The following RAB22A variants were observed in gnomAD, a reference collection of about 807,000 sequenced individuals.
The protein encoded by RAB22A is ras-related protein Rab-22A.
RAB22A carries 13 observed loss-of-function variants against 30.2 expected under a neutral mutation model. That is an observed-to-expected ratio of 0.43 (90% CI 0.28 to 0.68). The LOEUF (loss-of-function observed/expected upper bound fraction) is 0.68. Ranked by LOEUF, RAB22A falls within the 30% of genes least tolerant of loss-of-function variation. RAB22A has a pLI of 0.18. For missense variants in RAB22A, 177 were observed against 246.8 expected (o/e 0.72, Z 1.89); for synonymous variants, 89 against 87.2 (o/e 1.02, Z -0.11).
intron 3 of RAB22A, among the ~76,000 whole-genome samples, chr20:58,347,418 A>G (rs776694852): frequency 2.0e-5 from 3 of 152,348 alleles, no homozygotes; most frequent in South Asian, 2.1e-4. Flanking sequence ...TTCAGAAGAT[A>G]ATGGTTTGTG....
rs1459720337 is a variant in RAB22A at position 58,362,753 on chromosome 20, A to C, written c.*3050A>C. The C allele has an allele frequency of 6.6e-6, 1 of 152,254 alleles. No homozygotes were observed. The highest frequency in any genetic ancestry group is 1.5e-5 in the Non-Finnish European group (1 of 68,044). 9.4% of individuals were successfully genotyped at this position (152,254 alleles called of 1,614,324 possible). A position where few individuals can be genotyped will look rare whatever the true frequency, so the allele number is the denominator to read the frequency against. On this transcript the variant is annotated 3_prime_UTR_variant, in exon 7 of 7. Transcript: ENST00000244040. ...TTTACACGAAGCAGGTGAAAGATTT[A>C]GTTCTTTTCAAAGTAACTTATTTTC...
At chr20:58,312,174 C>T (rs948046430) in intron 2 of RAB22A, among the ~76,000 whole-genome samples, 13 of 152,012 alleles carry the variant, frequency 8.6e-5, no homozygotes, top group Admixed American at 4.6e-4. Flanking sequence ...ATGCTGGTCT[C>T]GAACTCCTAA....
rs1987245044 is a variant in RAB22A, at chr20:58,362,615, G to A, written c.*2912G>A. On this transcript the variant is annotated 3_prime_UTR_variant, in exon 7 of 7. Transcript: ENST00000244040. ...TGGTCTCCAGAACTCTCACACAAGT[G>A]TTTTTCTGATTCTATGATAACTAAT... The A allele has an allele frequency of 6.6e-6, 1 of 152,170 alleles. No individual in the cohort carries two copies. Among genetic ancestry groups the A allele is most frequent in the Non-Finnish European group, 1.5e-5 (1 of 68,034 alleles). The allele number at this position is 152,170 out of a possible 1,614,324, so 9.4% of individuals were successfully genotyped here.
Position 58,359,586 on chromosome 20 carries a change from CT to C in RAB22A, c.488-16del. ...AGAAAGTTAAAGCTCACTCCCTTCC[CT>C]TTTCTCATCTTGGTTTAGGTCGAAG... On this transcript the variant is annotated intron_variant, in intron 6 of 6. Transcript: ENST00000244040. 1 of 1,565,422 alleles carries C rather than the reference CT, an allele frequency of 6.4e-7. No individual in the cohort carries two copies. Among genetic ancestry groups the C allele is most frequent in the Non-Finnish European group, 8.8e-7 (1 of 1,139,234 alleles).
At chr20:58,326,392 A>G (rs984445576) in intron 2 of RAB22A, among the ~76,000 whole-genome samples, 2 of 152,236 alleles carry the variant, frequency 1.3e-5, no homozygotes, top group Admixed American at 6.5e-5. Flanking sequence ...CATAAATGCA[A>G]TAACACAGTA....
intron 6 of RAB22A, among the ~76,000 whole-genome samples, chr20:58,357,564 C>T (rs919646886): frequency 7.2e-5 from 11 of 152,040 alleles, no homozygotes; most frequent in African/African-American, 2.7e-4. Flanking sequence ...AAATATTCTC[C>T]TCTTATTTCT....
At chr20:58,355,515 T>G (rs1987116121) in intron 6 of RAB22A, among the ~76,000 whole-genome samples, 1 of 152,150 alleles carries the variant, frequency 6.6e-6, no homozygotes, top group South Asian at 2.1e-4. Context: ...CCCGTTCATT[T>G]CAGTGTTAAA....
intron 2 of RAB22A, among the ~76,000 whole-genome samples, chr20:58,321,300 G>C (rs887159238): frequency 6.6e-6 from 1 of 152,074 alleles, no homozygotes; most frequent in African/African-American, 2.4e-5. Flanking sequence ...GGAGGTAGAG[G>C]TTGTAGTGAG....
rs1318649313 is a variant in RAB22A, at chr20:58,362,993, T to G, written c.*3290T>G. On this transcript the variant is annotated 3_prime_UTR_variant, in exon 7 of 7. Coordinates refer to ENST00000244040, the MANE Select transcript of RAB22A (RefSeq NM_020673.3). ...TTTCAGAACTTCTCTTTACGTCTTGTATGTATTTCTTTTCTGTTCTCAAGG... is the reference window on the plus strand; with the variant it reads ...TTTCAGAACTTCTCTTTACGTCTTGGATGTATTTCTTTTCTGTTCTCAAGG... 2.0e-5 allele frequency: 3 copies of G among 152,228 alleles called. No homozygotes were observed. Among genetic ancestry groups the G allele is most frequent in the Non-Finnish European group, 4.4e-5 (3 of 68,044 alleles). 9.4% of individuals were successfully genotyped at this position (152,228 alleles called of 1,614,324 possible). A position where few individuals can be genotyped will look rare whatever the true frequency, so the allele number is the denominator to read the frequency against.
Position 58,348,176 on chromosome 20 carries a change from G to A in RAB22A, c.198+4377G>A, listed in dbSNP as rs546626702. On this transcript the variant is annotated intron_variant, in intron 3 of 6. Coordinates refer to ENST00000244040, the MANE Select transcript of RAB22A (RefSeq NM_020673.3). The stretch of plus-strand genomic sequence containing the variant: ...CGGGAGGTGGAGGTTGCAGTGAGCC[G>A]AGATCGCACCACTGCACTCCAGCCT... 3.4e-4 allele frequency among the ~76,000 whole-genome samples: 52 copies of A among 152,098 alleles called. 2 individuals carry two copies. In the South Asian group the frequency reaches 1.0e-2, roughly 29 times the overall value.
chr20:58,315,782 C>T (rs1217897015), intron 2 of RAB22A, among the ~76,000 whole-genome samples: 1 of 152,144 alleles, frequency 6.6e-6, no homozygotes, highest in Non-Finnish European at 1.5e-5. Flanking sequence ...CATCTGAGCC[C>T]TCATCCTATC....
At chr20:58,337,296 A>G (rs949623533) in intron 2 of RAB22A, among the ~76,000 whole-genome samples, 1 of 151,948 alleles carries the variant, frequency 6.6e-6, no homozygotes, top group Admixed American at 6.6e-5. Flanking sequence ...CCCTTCTTTC[A>G]TCTTCAAGGC....
In RAB22A at chr20:58,336,139, A is replaced by G. The variant is rs1441379701; in HGVS notation, c.117-7579A>G. Among the ~76,000 whole-genome samples the G allele has an allele frequency of 2.6e-5, 4 of 152,002 alleles. No individual in the cohort carries two copies. In the East Asian group the frequency reaches 5.8e-4, roughly 22 times the overall value. The stretch of plus-strand genomic sequence containing the variant: ...ATTCTCCTGCCTCAGCCTCCTGAGT[A>G]GCTGGAATTATAGGCGCCCACCACG... On this transcript the variant is annotated intron_variant, in intron 2 of 6. Transcript: ENST00000244040.
chr20:58,331,785 T>C (rs915412629), intron 2 of RAB22A, among the ~76,000 whole-genome samples: 1 of 152,158 alleles, frequency 6.6e-6, no homozygotes. Context: ...CAGAATTTCT[T>C]GCATAGTCTG....
intron 6 of RAB22A, among the ~76,000 whole-genome samples, chr20:58,355,542 G>A (rs1024973895): frequency 1.4e-4 from 21 of 152,122 alleles, no homozygotes; most frequent in African/African-American, 5.1e-4. Flanking sequence ...TGATGTGCCC[G>A]GGCATGGTGG....
intron 3 of RAB22A, among the ~76,000 whole-genome samples, chr20:58,346,910 A>G (rs1986959268): frequency 6.6e-6 from 1 of 152,136 alleles, no homozygotes; most frequent in African/African-American, 2.4e-5. Context: ...ATTAGACTGT[A>G]AGCTCCTTGA....
chr20:58,310,003 T>C lies in RAB22A; in HGVS notation c.27T>C (p.Cys9=), dbSNP rs1302831368. 7 of 1,285,334 alleles carry C rather than the reference T, an allele frequency of 5.4e-6. No homozygotes were observed. The highest frequency in any genetic ancestry group is 3.0e-5 in the South Asian group (1 of 33,238). 79.6% of individuals were successfully genotyped at this position (1,285,334 alleles called of 1,614,324 possible). A position where few individuals can be genotyped will look rare whatever the true frequency, so the allele number is the denominator to read the frequency against. The part of the protein sequence containing the change: MALRELKV[C]LLGDTGVGKS... Reference sequence around the variant, plus strand: ...TGGCGCTGAGGGAGCTCAAAGTGTGTCTGCTCGGGGTGAGTGGCGGCGGGT... The same window carrying C: ...TGGCGCTGAGGGAGCTCAAAGTGTGCCTGCTCGGGGTGAGTGGCGGCGGGT... Residue 9 remains cysteine, a synonymous_variant, in exon 1 of 7, where the codon TGT becomes TGC. Coordinates refer to ENST00000244040, the MANE Select transcript of RAB22A (RefSeq NM_020673.3).
rs998091911 is a variant in RAB22A at position 58,309,757 on chromosome 20, C to T, written c.-220C>T. The T allele has an allele frequency of 1.0e-5, 3 of 293,792 alleles. No homozygotes were observed. Among genetic ancestry groups the T allele is most frequent in the Non-Finnish European group, 1.2e-5 (2 of 164,302 alleles). The allele number at this position is 293,792 out of a possible 1,614,324, so 18.2% of individuals were successfully genotyped here. A position where few individuals can be genotyped will look rare whatever the true frequency, so the allele number is the denominator to read the frequency against. ...TCCCAAGATGGCGGCGGCGGCGGCT[C>T]CCGGAAGGCCGCGGCGGCGTCCCGG... On this transcript the variant is annotated 5_prime_UTR_variant, in exon 1 of 7. Transcript: ENST00000244040.
At chr20:58,344,464 C>T (rs1325242570) in intron 3 of RAB22A, among the ~76,000 whole-genome samples, 1 of 152,026 alleles carries the variant, frequency 6.6e-6, no homozygotes. Context: ...TACTGAGACA[C>T]ATCTGCCTCC....
Sources: gnomAD v4.1 joint callset for allele counts (sites outside exome capture counted in the v4.1 genomes callset) on GRCh38, gnomAD v4.1.1 for gene constraint, MANE v1.5 for transcripts, NCBI Gene and HGNC (gene_info 2026-07-23, HGNC 2026-07-21) for gene names.